The following RBMS3 variants were observed in gnomAD, a reference collection of about 807,000 sequenced individuals.
RBMS3 encodes RNA binding motif single stranded interacting protein 3.
In RBMS3, 27 loss-of-function variants were observed where a neutral mutation model predicts 66.8. That is an observed-to-expected ratio of 0.40 (90% confidence interval 0.30 to 0.56). RBMS3 has a LOEUF of 0.56. Among genes scored for constraint, RBMS3 ranks in the 20% least tolerant of loss-of-function variants. The pLI is 0.40. For synonymous variants in RBMS3, 188 were observed against 183.0 expected (o/e 1.03, Z -0.22); for missense variants, 513 against 549.5 (o/e 0.93, Z 0.66).
intron 3 of RBMS3, among the ~76,000 whole-genome samples, chr3:29,495,047 T>C (rs1038024309): frequency 1.4e-5 from 2 of 147,794 alleles, no homozygotes; most frequent in African/African-American, 2.4e-5. Flanking sequence ...AAAATCAAAA[T>C]TGGAGACAAG....
chr3:29,385,263 C>A (rs536361098), intron 1 of RBMS3, among the ~76,000 whole-genome samples: 4 of 152,260 alleles, frequency 2.6e-5, no homozygotes, highest in East Asian at 3.9e-4. Context: ...CAGACCTTCG[C>A]AACTAATCCT....
intron 6 of RBMS3, among the ~76,000 whole-genome samples, chr3:29,777,749 C>T (rs938825965): frequency 1.3e-5 from 2 of 151,740 alleles, no homozygotes; most frequent in Admixed American, 6.6e-5. Flanking sequence ...AAAATAAATG[C>T]GTTGGAATAC....
chr3:29,642,095 A>G (rs2049738554), intron 4 of RBMS3, among the ~76,000 whole-genome samples: 1 of 152,094 alleles, frequency 6.6e-6, no homozygotes, highest in Admixed American at 6.6e-5. Flanking sequence ...ACGCTGTGGC[A>G]GGCTCACTGC....
At chr3:29,662,396 G>C in intron 4 of RBMS3, among the ~76,000 whole-genome samples, 1 of 152,148 alleles carries the variant, frequency 6.6e-6, no homozygotes, top group Non-Finnish European at 1.5e-5. Context: ...AATATTTTTC[G>C]AAAATTGAGC....
chr3:29,894,162 T>G (rs2060068076), intron 8 of RBMS3, among the ~76,000 whole-genome samples: 1 of 151,568 alleles, frequency 6.6e-6, no homozygotes, highest in Admixed American at 6.6e-5. Flanking sequence ...ATGTAGCCGA[T>G]TCTGGTAAAG....
chr3:29,788,859 A>G (rs760033628), intron 6 of RBMS3, among the ~76,000 whole-genome samples: 4 of 152,214 alleles, frequency 2.6e-5, no homozygotes, highest in Non-Finnish European at 5.9e-5. Context: ...CACACTAGCC[A>G]GTGTGAAAAG....
At chr3:29,484,088 T>A (rs1435907742) in intron 2 of RBMS3, among the ~76,000 whole-genome samples, 1 of 152,204 alleles carries the variant, frequency 6.6e-6, no homozygotes, top group African/African-American at 2.4e-5. Flanking sequence ...AAATGTTAGA[T>A]GAGAAAGAGC....
chr3:29,491,886 G>A (rs545882564), intron 3 of RBMS3, among the ~76,000 whole-genome samples: 1 of 152,206 alleles, frequency 6.6e-6, no homozygotes, highest in South Asian at 2.1e-4. Flanking sequence ...CCAGCTACTT[G>A]GGAGGCTGAG....
chr3:29,517,158 C>A (rs537857688), intron 3 of RBMS3, among the ~76,000 whole-genome samples: 2 of 151,638 alleles, frequency 1.3e-5, no homozygotes, highest in Non-Finnish European at 2.9e-5. Flanking sequence ...GGCTGCAGAG[C>A]GTTTTGGTTG....
chr3:29,756,182 A>C (rs926726190), intron 5 of RBMS3, among the ~76,000 whole-genome samples: 1 of 152,072 alleles, frequency 6.6e-6, no homozygotes, highest in Admixed American at 6.6e-5. Flanking sequence ...TTATTTTTGC[A>C]TATCGATTCT....
chr3:29,357,195 C>T (rs1046433466), intron 1 of RBMS3, among the ~76,000 whole-genome samples: 1 of 152,098 alleles, frequency 6.6e-6, no homozygotes, highest in African/African-American at 2.4e-5. Context: ...CTATCCCTCC[C>T]CCAGCCCCCA....
chr3:29,685,897 T>C (rs375455296), intron 4 of RBMS3, among the ~76,000 whole-genome samples: 85 of 152,316 alleles, frequency 5.6e-4, no homozygotes, highest in African/African-American at 2.0e-3. Context: ...TCACTGTGCC[T>C]GGCAGCTGGG....
At chr3:29,749,030 G>A (rs2055057547) in intron 5 of RBMS3, among the ~76,000 whole-genome samples, 1 of 152,138 alleles carries the variant, frequency 6.6e-6, no homozygotes. Flanking sequence ...CTGGTCTTTA[G>A]AATATTATGA....
intron 1 of RBMS3, among the ~76,000 whole-genome samples, chr3:29,345,021 G>T (rs2036494005): frequency 6.6e-6 from 1 of 152,126 alleles, no homozygotes; most frequent in African/African-American, 2.4e-5. Context: ...CAGTCATCCT[G>T]ATAACACCAT....
At chr3:29,623,600 A>AC (rs1413571255) in intron 4 of RBMS3, among the ~76,000 whole-genome samples, 1 of 152,112 alleles carries the variant, frequency 6.6e-6, no homozygotes, top group Non-Finnish European at 1.5e-5. Context: ...TCAAAAAAAA[A>AC]AAAAAAAAGG....
intron 6 of RBMS3, among the ~76,000 whole-genome samples, chr3:29,859,973 G>T (rs901850531): frequency 6.6e-6 from 1 of 152,134 alleles, no homozygotes; most frequent in Non-Finnish European, 1.5e-5. Flanking sequence ...GAAAGTGGAC[G>T]TTTCCTAACA....
intron 1 of RBMS3, among the ~76,000 whole-genome samples, chr3:29,370,605 G>A (rs1313539391): frequency 6.6e-6 from 1 of 152,134 alleles, no homozygotes; most frequent in Non-Finnish European, 1.5e-5. Context: ...TAAATCACCA[G>A]AGGAGGAATA....
At chr3:29,891,080 T>C (rs189698536) in intron 8 of RBMS3, among the ~76,000 whole-genome samples, 36 of 151,714 alleles carry the variant, frequency 2.4e-4, no homozygotes, top group Non-Finnish European at 3.7e-4. Context: ...AGGGCTTTTT[T>C]AGTATCTTAA....
At chr3:29,687,188 A>G (rs974898515) in intron 4 of RBMS3, among the ~76,000 whole-genome samples, 4 of 152,188 alleles carry the variant, frequency 2.6e-5, no homozygotes, top group Non-Finnish European at 5.9e-5. Context: ...GTGTCAACTG[A>G]GGACATGGCT....
Sources: gnomAD v4.1 joint callset for allele counts (sites outside exome capture counted in the v4.1 genomes callset) on GRCh38, gnomAD v4.1.1 for gene constraint, MANE v1.5 for transcripts, NCBI Gene and HGNC (gene_info 2026-07-23, HGNC 2026-07-21) for gene names.